Variants in UBN2 observed in about 807,000 individuals in gnomAD.
UBN2 encodes the protein ubinuclein 2.
A neutral mutation model predicts 120.2 loss-of-function variants in UBN2; 35 were observed. The observed-to-expected ratio is 0.29, with a 90% CI of 0.22 to 0.39. The LOEUF (loss-of-function observed/expected upper bound fraction) is 0.39, where lower values mean the gene tolerates loss of function less well. Ranked by LOEUF, UBN2 falls within the 10% of genes least tolerant of loss-of-function variation. UBN2 has a pLI of 1.00. For synonymous variants in UBN2, 661 were observed against 648.7 expected (o/e 1.02, Z -0.29); for missense variants, 1,693 against 1,663.2 (o/e 1.02, Z -0.31).
At chr7:139,326,442 G>T in the UBN2 span, among the ~76,000 whole-genome samples, 221 of 152,190 alleles carry the variant, frequency 1.5e-3, 2 homozygotes, top group African/African-American at 5.0e-3. Context: ...CCCCAGCCCT[G>T]GCTTTATTTT....
Position 139,261,407 on chromosome 7 carries a change from C to G in UBN2, c.1061C>G (p.Ser354Cys), listed in dbSNP as rs769479018. 8 of 1,614,234 alleles carry G rather than the reference C, an allele frequency of 5.0e-6. No individual in the cohort carries two copies. The highest frequency in any genetic ancestry group is 5.9e-6 in the Non-Finnish European group (7 of 1,180,046). ...GTCCCAGTGACCTTGTCAACCCCTTCTCTGAATAAACCCCCATGTGCTGCT... is the reference window on the plus strand; with the variant it reads ...GTCCCAGTGACCTTGTCAACCCCTTGTCTGAATAAACCCCCATGTGCTGCT... Reference protein sequence around the residue: ...PKVPVTLSTPSLNKPPCAAAA... With the variant: ...PKVPVTLSTPCLNKPPCAAAA... The change falls in exon 6 of 18, where the codon TCT becomes TGT. Residue 354 changes from serine (S) to cysteine (C), a missense_variant. Ser to Cys is a moderately radical substitution (Grantham distance 112, BLOSUM62 -1). Coordinates refer to ENST00000473989, the MANE Select transcript of UBN2 (RefSeq NM_173569.4).
chr7:139,309,550 T>G (rs888876803), downstream of UBN2, among the ~76,000 whole-genome samples: 2 of 152,258 alleles, frequency 1.3e-5, no homozygotes, highest in Non-Finnish European at 2.9e-5. Flanking sequence ...GTTAAATTTT[T>G]TTTTAAAACA....
At chr7:139,251,240 A>C (rs903329861) in intron 2 of UBN2, among the ~76,000 whole-genome samples, 1 of 152,202 alleles carries the variant, frequency 6.6e-6, no homozygotes, top group African/African-American at 2.4e-5. Flanking sequence ...TTGCAAAGAC[A>C]ATACAGAGAG....
rs369462736 is a variant in UBN2, at chr7:139,242,000, C to CG, written c.561+4903_561+4904insG. Among the ~76,000 whole-genome samples, 695 of 151,838 alleles carry CG rather than the reference C, an allele frequency of 4.6e-3. 4 individuals are homozygous for CG. Among genetic ancestry groups the CG allele is most frequent in the African/African-American group, 0.016 (669 of 41,424 alleles). ...CGACAAGAGCGAGAATCCAGCTCCCCCCCCCAAAAAAAGTCTTGATTTTCT... is the reference window on the plus strand; with the variant it reads ...CGACAAGAGCGAGAATCCAGCTCCCCGCCCCCAAAAAAAGTCTTGATTTTCT... On this transcript the variant is annotated intron_variant, in intron 2 of 17. Coordinates refer to ENST00000473989, the MANE Select transcript of UBN2 (RefSeq NM_173569.4).
intron 15 of UBN2, among the ~76,000 whole-genome samples, chr7:139,285,703 C>T (rs1460574258): frequency 4.0e-5 from 6 of 151,802 alleles, no homozygotes; most frequent in Admixed American, 3.9e-4. Flanking sequence ...GTTTCTGATC[C>T]ATTTATCGTA....
At chr7:139,273,813 AATGAT>A in intron 10 of UBN2, 113 bp from the exon 11 acceptor site, 2 of 845,414 alleles carry the variant, frequency 2.4e-6, no homozygotes, top group South Asian at 4.4e-5. Flanking sequence ...TGGTGCAATG[AATGAT>A]ATATGTTAGA....
intron 16 of UBN2, 25 bp downstream of exon 16, chr7:139,293,488 T>G: frequency 6.2e-7 from 1 of 1,604,888 alleles, no homozygotes; most frequent in Non-Finnish European, 8.5e-7. Context: ...TCTATTTGGT[T>G]GGGCTGTCTA....
intron 2 of UBN2, among the ~76,000 whole-genome samples, chr7:139,245,703 C>T (rs1244472251): frequency 6.6e-6 from 1 of 152,062 alleles, no homozygotes; most frequent in African/African-American, 2.4e-5. Flanking sequence ...CAAAAAAGAT[C>T]GTCATTGTGA....
At chr7:139,232,750 G>C (rs991911587) in intron 1 of UBN2, among the ~76,000 whole-genome samples, 2 of 152,098 alleles carry the variant, frequency 1.3e-5, no homozygotes, top group Non-Finnish European at 2.9e-5. Context: ...TTCAGCCTTT[G>C]TAATTTTCGG....
the UBN2 span, among the ~76,000 whole-genome samples, chr7:139,323,810 G>A: frequency 6.6e-6 from 1 of 151,982 alleles, no homozygotes; most frequent in Admixed American, 6.6e-5. Context: ...GGCTGGTCTC[G>A]AATGGATGTG....
chr7:139,320,271 G>A, the UBN2 span, among the ~76,000 whole-genome samples: 993 of 151,502 alleles, frequency 6.6e-3, 7 homozygotes, highest in Non-Finnish European at 0.011. Context: ...AGACCAGCCT[G>A]GCCAACATGG....
chr7:139,323,734 C>T, the UBN2 span, among the ~76,000 whole-genome samples: 6 of 151,880 alleles, frequency 4.0e-5, no homozygotes, highest in African/African-American at 1.2e-4. Flanking sequence ...GGATTACAGG[C>T]GCCCGCCACC....
intron 15 of UBN2, among the ~76,000 whole-genome samples, chr7:139,285,807 A>G (rs920117306): frequency 3.9e-5 from 6 of 152,150 alleles, no homozygotes; most frequent in East Asian, 1.9e-4. Flanking sequence ...CAGTGGCGCA[A>G]TCTTGGCTCA....
chr7:139,258,431 A>AT, intron 3 of UBN2, 57 bp from the exon 4 acceptor site: 3 of 1,368,790 alleles, frequency 2.2e-6, no homozygotes, highest in Non-Finnish European at 2.9e-6. Context: ...TTTCTTTGAC[A>AT]TTTATAGAGT....
Position 139,282,040 on chromosome 7 carries a change from C to T in UBN2, c.2103C>T (p.Phe701=), listed in dbSNP as rs1440217097. 2.5e-6 allele frequency: 4 copies of T among 1,613,376 alleles called. No individual in the cohort carries two copies. The Admixed American group carries it at 6.7e-5, about 27-fold the overall frequency. Residue 701 remains phenylalanine, a synonymous_variant, in exon 14 of 18, where the codon TTC becomes TTT. Coordinates refer to ENST00000473989, the MANE Select transcript of UBN2 (RefSeq NM_173569.4). ...TAAAGACCCTTCCTCTCCATTCTTT[C>T]CCCACTATGCTTAAGGTAAGTGCTA... is the stretch of plus-strand genomic sequence containing the variant. ...VMVKTLPLHS[F]PTMLKECSPK... is the part of the protein sequence containing the mutation.
rs1797658091 is a variant in UBN2, at chr7:139,282,972, G to A, written c.2119-52G>A. ...CTTTTAGTTATTTAAAATTAACTTT[G>A]TAATTTTTTATTCACCATTTCTATT... On this transcript the variant is annotated intron_variant, in intron 14 of 17. Coordinates refer to ENST00000473989, the MANE Select transcript of UBN2 (RefSeq NM_173569.4). 6 of 1,339,588 alleles carry A rather than the reference G, an allele frequency of 4.5e-6. No individual in the cohort carries two copies. The South Asian group carries it at 8.4e-5, about 19-fold the overall frequency. The allele number at this position is 1,339,588 out of a possible 1,614,324, so 83.0% of individuals were successfully genotyped here.
rs371717591 is a variant in UBN2, at chr7:139,240,454, A to ATATT, written c.561+3358_561+3359insATTT. On this transcript the variant is annotated intron_variant, in intron 2 of 17. Coordinates refer to ENST00000473989, the MANE Select transcript of UBN2 (RefSeq NM_173569.4). ...AATATATATATATATATATATATAT[A>ATATT]TTTTTTTTTTTAAATAATTATTTGG... 8.4e-4 allele frequency among the ~76,000 whole-genome samples: 103 copies of ATATT among 123,098 alleles called. 1 individual carries two copies. Among genetic ancestry groups the ATATT allele is most frequent in the African/African-American group, 2.8e-3 (87 of 31,228 alleles). The allele number at this position is 123,098 out of a possible 152,430, so 80.8% of individuals were successfully genotyped here. A position where few individuals can be genotyped will look rare whatever the true frequency, so the allele number is the denominator to read the frequency against.
intron 1 of UBN2, among the ~76,000 whole-genome samples, chr7:139,236,481 C>T (rs1796165520): frequency 6.6e-6 from 1 of 152,184 alleles, no homozygotes; most frequent in African/African-American, 2.4e-5. Flanking sequence ...TAATCTAGAG[C>T]TCCTTTTAGA....
In UBN2 at chr7:139,273,429, T is replaced by G. The variant is rs1797347367; in HGVS notation, c.1829+19T>G. 1 of 1,485,550 alleles carries G rather than the reference T, an allele frequency of 6.7e-7. No individual in the cohort carries two copies. The highest frequency in any genetic ancestry group is 1.4e-5 in the African/African-American group (1 of 71,330). The allele number at this position is 1,485,550 out of a possible 1,614,324, so 92.0% of individuals were successfully genotyped here. A position where few individuals can be genotyped will look rare whatever the true frequency, so the allele number is the denominator to read the frequency against. The stretch of plus-strand genomic sequence containing the variant: ...CTATCAGGTAAGATTTAATTAGTTT[T>G]CACTTTTAATATATAATGCAGAAGT... On this transcript the variant is annotated intron_variant, in intron 10 of 17. Transcript: ENST00000473989.
Sources: allele counts gnomAD v4.1 joint callset (sites outside exome capture counted in the v4.1 genomes callset), GRCh38; gene constraint gnomAD v4.1.1; transcripts MANE v1.5; gene names NCBI Gene and HGNC (gene_info 2026-07-23, HGNC 2026-07-21).